Variants in RBMS3 observed in about 807,000 individuals in gnomAD.
RBMS3 encodes the protein RNA binding motif single stranded interacting protein 3, also known as RNA-binding motif, single-stranded-interacting protein 3.
RBMS3 carries 27 observed loss-of-function variants against 66.8 expected under a neutral mutation model. The observed-to-expected ratio is 0.40, with a 90% CI of 0.30 to 0.56. RBMS3 has a LOEUF of 0.56. Ranked by LOEUF, RBMS3 falls within the 20% of genes least tolerant of loss-of-function variation. The probability of loss-of-function intolerance (pLI) is 0.40; values close to 1 mark genes in which losing one functional copy is unlikely to be tolerated. For missense variants in RBMS3, 513 were observed against 549.5 expected (o/e 0.93, Z 0.66); for synonymous variants, 188 against 183.0 (o/e 1.03, Z -0.22).
At chr3:29,658,853 C>T (rs901947036) in intron 4 of RBMS3, among the ~76,000 whole-genome samples, 9 of 152,186 alleles carry the variant, frequency 5.9e-5, no homozygotes, top group Non-Finnish European at 8.8e-5. Context: ...GACGGAGTCT[C>T]GCTCTGTCAG....
At chr3:29,563,388 G>T (rs914849348) in intron 3 of RBMS3, among the ~76,000 whole-genome samples, 1 of 152,144 alleles carries the variant, frequency 6.6e-6, no homozygotes, top group Non-Finnish European at 1.5e-5. Flanking sequence ...ACCAGCATGG[G>T]TCTGTTCATT....
intron 4 of RBMS3, among the ~76,000 whole-genome samples, chr3:29,665,634 C>A (rs1459494711): frequency 6.6e-6 from 1 of 152,124 alleles, no homozygotes; most frequent in African/African-American, 2.4e-5. Flanking sequence ...TTTAAGTTTG[C>A]CAACATTGCC....
intron 1 of RBMS3, among the ~76,000 whole-genome samples, chr3:29,325,914 A>G (rs905622024): frequency 2.0e-5 from 3 of 152,124 alleles, no homozygotes; most frequent in Non-Finnish European, 4.4e-5. Context: ...CTCCTGTGCT[A>G]TAGAAACTTT....
At chr3:29,516,170 T>G (rs1257464660) in intron 3 of RBMS3, among the ~76,000 whole-genome samples, 3 of 152,216 alleles carry the variant, frequency 2.0e-5, no homozygotes, top group Admixed American at 2.0e-4. Context: ...CTTTGGCAAC[T>G]GCATCTGTGA....
At chr3:29,933,678 T>C (rs926211817) in intron 10 of RBMS3, among the ~76,000 whole-genome samples, 2 of 152,170 alleles carry the variant, frequency 1.3e-5, no homozygotes, top group African/African-American at 4.8e-5. Flanking sequence ...ATAACTGATC[T>C]GCTTAGAAAG....
At chr3:29,928,203 T>C (rs1310725355) in intron 10 of RBMS3, among the ~76,000 whole-genome samples, 2,287 of 110,090 alleles carry the variant, frequency 0.021, 57 homozygotes, top group African/African-American at 0.073. Flanking sequence ...TATATATATA[T>C]ATATATATAC....
At chr3:29,686,372 G>A (rs1205751277) in intron 4 of RBMS3, among the ~76,000 whole-genome samples, 1 of 152,056 alleles carries the variant, frequency 6.6e-6, no homozygotes, top group African/African-American at 2.4e-5. Context: ...AGCATATCAT[G>A]GACAGTTCTG....
At chr3:29,527,610 G>T (rs1416353448) in intron 3 of RBMS3, among the ~76,000 whole-genome samples, 7 of 152,062 alleles carry the variant, frequency 4.6e-5, no homozygotes, top group African/African-American at 1.7e-4. Flanking sequence ...TTAACTGTTG[G>T]TTTATATTTG....
At chr3:29,862,600 G>A (rs2149537071) in intron 6 of RBMS3, among the ~76,000 whole-genome samples, 1 of 152,172 alleles carries the variant, frequency 6.6e-6, no homozygotes, top group South Asian at 2.1e-4. Flanking sequence ...TCATTTGCCA[G>A]ATGGAGGGGT....
In RBMS3 at chr3:29,395,575, A is replaced by T. The variant is rs2125653737; in HGVS notation, c.76-39168A>T. 1.3e-5 allele frequency among the ~76,000 whole-genome samples: 2 copies of T among 152,354 alleles called. 1 individual carries two copies. Among genetic ancestry groups the T allele is most frequent in the South Asian group, 4.1e-4 (2 of 4,828 alleles). On this transcript the variant is annotated intron_variant, in intron 1 of 14. Transcript: ENST00000383767. ...TAGAGCTACATTTAAGCAAATGCTT[A>T]CATTTGATAACACCTTATATCTTTA...
At chr3:29,823,286 T>C (rs1416894811) in intron 6 of RBMS3, among the ~76,000 whole-genome samples, 2 of 152,166 alleles carry the variant, frequency 1.3e-5, no homozygotes, top group African/African-American at 2.4e-5. Context: ...ACAAAATAAA[T>C]GGGTTTTATC....
At chr3:29,450,244 T>C (rs2041969869) in intron 2 of RBMS3, among the ~76,000 whole-genome samples, 1 of 152,174 alleles carries the variant, frequency 6.6e-6, no homozygotes, top group Non-Finnish European at 1.5e-5. Flanking sequence ...GAGCAAGGAT[T>C]GACCACTGGT....
intron 1 of RBMS3, 38 bp from the exon 2 acceptor site, chr3:29,434,705 G>T: frequency 1.3e-6 from 2 of 1,592,360 alleles, no homozygotes; most frequent in Non-Finnish European, 1.7e-6. Context: ...ATAGGTGCTG[G>T]CTTTTGTTTT....
chr3:29,361,244 T>C (rs2037565038), intron 1 of RBMS3, among the ~76,000 whole-genome samples: 1 of 152,006 alleles, frequency 6.6e-6, no homozygotes, highest in African/African-American at 2.4e-5. Context: ...GCAGGCCTGG[T>C]GGTGACAAAA....
intron 10 of RBMS3, among the ~76,000 whole-genome samples, chr3:29,905,570 T>C (rs1559787196): frequency 6.6e-6 from 1 of 152,092 alleles, no homozygotes; most frequent in Non-Finnish European, 1.5e-5. Flanking sequence ...TCTTTGTATC[T>C]GTTTTCCAAA....
At chr3:29,912,579 G>T (rs2149635298) in intron 10 of RBMS3, among the ~76,000 whole-genome samples, 1 of 152,182 alleles carries the variant, frequency 6.6e-6, no homozygotes, top group African/African-American at 2.4e-5. Flanking sequence ...ATTCAGCGTA[G>T]TGTCTTAATT....
chr3:29,551,359 AT>A (rs2046172980), intron 3 of RBMS3, among the ~76,000 whole-genome samples: 1 of 152,184 alleles, frequency 6.6e-6, no homozygotes, highest in African/African-American at 2.4e-5. Flanking sequence ...TTACAGATAA[AT>A]TTGTCAAGAG....
intron 14 of RBMS3, among the ~76,000 whole-genome samples, chr3:29,995,769 A>C (rs959569306): frequency 6.6e-6 from 1 of 152,250 alleles, no homozygotes; most frequent in Non-Finnish European, 1.5e-5. Flanking sequence ...TAAAGGAAGC[A>C]CTAAACATGG....
intron 1 of RBMS3, among the ~76,000 whole-genome samples, chr3:29,364,611 A>G (rs1345717067): frequency 1.3e-5 from 2 of 152,148 alleles, no homozygotes; most frequent in Admixed American, 6.6e-5. Context: ...TTCTTCACAT[A>G]CTTTACATTT....
Sources: allele counts gnomAD v4.1 joint callset (sites outside exome capture counted in the v4.1 genomes callset), GRCh38; gene constraint gnomAD v4.1.1; transcripts MANE v1.5; gene names NCBI Gene and HGNC (gene_info 2026-07-23, HGNC 2026-07-21).